Variants in ST3GAL1 observed in about 807,000 individuals in gnomAD.
ST3GAL1 encodes the protein CMP-N-acetylneuraminate-beta-galactosamide-alpha-2,3-sialyltransferase 1.
ST3GAL1 carries 16 observed loss-of-function variants against 34.1 expected under a neutral mutation model. The observed-to-expected ratio is 0.47, with a 90% CI of 0.32 to 0.71. The LOEUF (loss-of-function observed/expected upper bound fraction) is 0.71. Among genes scored for constraint, ST3GAL1 ranks in the 30% least tolerant of loss-of-function variants. The pLI, the probability that ST3GAL1 is intolerant of heterozygous loss-of-function variation, is 0.04. For synonymous variants in ST3GAL1, 191 were observed against 184.7 expected, an observed-to-expected ratio of 1.03 and a Z score of -0.28; for missense variants, 353 against 447.4, an observed-to-expected ratio of 0.79 and a Z score of 1.90.
At chr8:133,485,556 C>T (rs887629220) in intron 3 of ST3GAL1, among the ~76,000 whole-genome samples, 5 of 152,188 alleles carry the variant, frequency 3.3e-5, no homozygotes, top group African/African-American at 1.2e-4. Flanking sequence ...CTTCAGTCCA[C>T]AGATGTGGAA....
chr8:133,554,237 C>A (rs1371508969), intron 1 of ST3GAL1, among the ~76,000 whole-genome samples: 1 of 152,158 alleles, frequency 6.6e-6, no homozygotes, highest in Non-Finnish European at 1.5e-5. Flanking sequence ...CAATCACCTG[C>A]CCAAAGTCAC....
chr8:133,490,170 C>A (rs1043574917), intron 3 of ST3GAL1, among the ~76,000 whole-genome samples: 4 of 152,252 alleles, frequency 2.6e-5, no homozygotes, highest in Admixed American at 2.6e-4. Flanking sequence ...AGTTCCAGGT[C>A]CTATGAGGGA....
intron 2 of ST3GAL1, among the ~76,000 whole-genome samples, chr8:133,528,378 C>T (rs1373291609): frequency 6.6e-6 from 1 of 152,228 alleles, no homozygotes; most frequent in Admixed American, 6.5e-5. Flanking sequence ...ACATATCCTG[C>T]ATGCCTGTCC....
At chr8:133,536,324 C>T (rs547638600) in intron 2 of ST3GAL1, among the ~76,000 whole-genome samples, 1 of 152,270 alleles carries the variant, frequency 6.6e-6, no homozygotes, top group East Asian at 1.9e-4. Flanking sequence ...GGAGGAAGGA[C>T]ATATTCGGAT....
At chr8:133,527,048 CTGAT>C (rs1277844319) in intron 2 of ST3GAL1, among the ~76,000 whole-genome samples, 12 of 152,162 alleles carry the variant, frequency 7.9e-5, no homozygotes, top group Non-Finnish European at 1.5e-4. Flanking sequence ...CCTGACCTGA[CTGAT>C]TGAAGGCCCA....
intron 3 of ST3GAL1, among the ~76,000 whole-genome samples, chr8:133,490,371 C>T (rs946673567): frequency 6.6e-6 from 1 of 152,198 alleles, no homozygotes; most frequent in Non-Finnish European, 1.5e-5. Flanking sequence ...TGGCGGCATG[C>T]GTATCTTCAC....
intron 3 of ST3GAL1, among the ~76,000 whole-genome samples, chr8:133,498,882 C>A (rs1011399137): frequency 6.6e-6 from 1 of 152,194 alleles, no homozygotes; most frequent in Non-Finnish European, 1.5e-5. Context: ...AACCCAGGTG[C>A]GCCTAAGCTC....
chr8:133,544,030 A>G (rs564915154), intron 2 of ST3GAL1: 2 of 152,374 alleles, frequency 1.3e-5, no homozygotes, highest in African/African-American at 4.8e-5. Context: ...TTTCAAATCT[A>G]GATGTGCAGA....
chr8:133,510,400 A>G (rs1429491488), intron 2 of ST3GAL1, among the ~76,000 whole-genome samples: 1 of 152,184 alleles, frequency 6.6e-6, no homozygotes, highest in Non-Finnish European at 1.5e-5. Context: ...CCTGCTGCAC[A>G]TCGTTAGAGA....
chr8:133,502,794 T>A (rs1817224789), intron 2 of ST3GAL1, among the ~76,000 whole-genome samples: 1 of 152,230 alleles, frequency 6.6e-6, no homozygotes, highest in Non-Finnish European at 1.5e-5. Flanking sequence ...CAGGCATCTG[T>A]CTGCAGAGCC....
At chr8:133,489,032 C>T (rs1036084914) in intron 3 of ST3GAL1, among the ~76,000 whole-genome samples, 2 of 152,152 alleles carry the variant, frequency 1.3e-5, no homozygotes, top group Non-Finnish European at 2.9e-5. Context: ...TGGTCCCTTG[C>T]TCCTGTCAAA....
chr8:133,490,552 T>A (rs764102692), intron 3 of ST3GAL1, among the ~76,000 whole-genome samples: 2 of 152,000 alleles, frequency 1.3e-5, no homozygotes, highest in Non-Finnish European at 2.9e-5. Context: ...GAAGGCTGTG[T>A]AAGGCAGGTG....
chr8:133,496,253 A>G (rs1816943516), intron 3 of ST3GAL1, among the ~76,000 whole-genome samples: 1 of 152,182 alleles, frequency 6.6e-6, no homozygotes, highest in Non-Finnish European at 1.5e-5. Flanking sequence ...CTTAATACAT[A>G]CTTCTGAGCC....
intron 2 of ST3GAL1, among the ~76,000 whole-genome samples, chr8:133,534,234 G>A (rs1157643559): frequency 6.6e-6 from 1 of 152,060 alleles, no homozygotes; most frequent in African/African-American, 2.4e-5. Context: ...CCAGCACAAA[G>A]GATATTTTTA....
rs1351687764 is a variant in ST3GAL1 at position 133,556,052 on chromosome 8, C to A, written c.-581-10126G>T. Among the ~76,000 whole-genome samples the A allele has an allele frequency of 6.6e-6, 1 of 150,848 alleles. No individual in the cohort carries two copies. Among genetic ancestry groups the A allele is most frequent in the Non-Finnish European group, 1.5e-5 (1 of 67,502 alleles). On this transcript the variant is annotated intron_variant, in intron 1 of 9. Transcript: ENST00000522652. The surrounding 1 kb of genome is among the most constrained non-coding windows in gnomAD (Gnocchi z 8.9). Reference sequence around the variant, plus strand: ...GGGATTACAGGCACCTGCCACCACGCCTGGCTGATTTTTTTTGTATTTTAG... The same window carrying A: ...GGGATTACAGGCACCTGCCACCACGACTGGCTGATTTTTTTTGTATTTTAG...
intron 6 of ST3GAL1, 121 bp from the exon 7 acceptor site, chr8:133,465,078 G>T: frequency 1.1e-6 from 1 of 951,182 alleles, no homozygotes; most frequent in Non-Finnish European, 1.6e-6. Flanking sequence ...CCTTCCCCGG[G>T]CCTCCTTCTC....
chr8:133,484,244 T>G (rs377227968), intron 3 of ST3GAL1, among the ~76,000 whole-genome samples: 1 of 152,200 alleles, frequency 6.6e-6, no homozygotes, highest in African/African-American at 2.4e-5. Context: ...GTCTACCTCA[T>G]CAGGCTCAGG....
chr8:133,547,889 GC>G (rs1228321382), intron 1 of ST3GAL1, among the ~76,000 whole-genome samples: 5 of 152,212 alleles, frequency 3.3e-5, no homozygotes, highest in Non-Finnish European at 5.9e-5. Context: ...AGAAGGCAGG[GC>G]CCTGGGCAAA....
intron 2 of ST3GAL1, among the ~76,000 whole-genome samples, chr8:133,504,566 A>C (rs1163811722): frequency 6.6e-6 from 1 of 152,184 alleles, no homozygotes; most frequent in Non-Finnish European, 1.5e-5. Context: ...TGGTTTTTTG[A>C]GTCCTTATTT....
Sources: gnomAD v4.1 joint callset for allele counts (sites outside exome capture counted in the v4.1 genomes callset) on GRCh38, gnomAD v4.1.1 for gene constraint, Gnocchi (gnomAD v3.1) non-coding constraint, MANE v1.5 for transcripts, NCBI Gene and HGNC (gene_info 2026-07-23, HGNC 2026-07-21) for gene names.